ENOX1: variants seen among roughly 807,000 people sequenced by gnomAD.
ENOX1 encodes the protein candidate growth-related and time keeping constitutive hydroquinone (NADH) oxidase.
ENOX1 carries 42 observed loss-of-function variants against 82.5 expected under a neutral mutation model. That is an observed-to-expected ratio of 0.51 (90% CI 0.40 to 0.66). The LOEUF is 0.66. ENOX1 is among the 30% of genes least tolerant of loss of function. The pLI, the probability that ENOX1 is intolerant of heterozygous loss-of-function variation, is 0.00. For synonymous variants in ENOX1, 271 were observed against 282.2 expected, an observed-to-expected ratio of 0.96 and a Z score of 0.40; for missense variants, 608 against 811.6, an observed-to-expected ratio of 0.75 and a Z score of 3.05.
chr13:43,228,095 C>CT (rs551861545), intron 15 of ENOX1, among the ~76,000 whole-genome samples: 23,698 of 84,614 alleles, frequency 0.28, 4,561 homozygotes, highest in East Asian at 0.54. Flanking sequence ...CTCTTTGCAG[C>CT]TTTTTTTTTT....
intron 1 of ENOX1, among the ~76,000 whole-genome samples, chr13:43,760,501 C>T (rs528576134): frequency 1.4e-4 from 21 of 152,176 alleles, no homozygotes; most frequent in Middle Eastern, 6.8e-3. Context: ...TGGAACCCAA[C>T]GTGTGCATGT....
chr13:43,624,964 A>C (rs181471549), intron 2 of ENOX1, among the ~76,000 whole-genome samples: 1 of 152,076 alleles, frequency 6.6e-6, no homozygotes, highest in Admixed American at 6.6e-5. Context: ...CAATATCTAC[A>C]TATCAGCTTG....
intron 5 of ENOX1, among the ~76,000 whole-genome samples, chr13:43,394,048 G>A (rs1482259146): frequency 2.0e-5 from 3 of 152,176 alleles, no homozygotes; most frequent in Middle Eastern, 3.2e-3. Context: ...AGCTTCCTGA[G>A]ACCTCATCAC....
At chr13:43,283,084 A>G (rs559434493) in intron 12 of ENOX1, among the ~76,000 whole-genome samples, 23 of 101,772 alleles carry the variant, frequency 2.3e-4, no homozygotes, top group African/African-American at 6.4e-4. Flanking sequence ...CTCGGTCTCA[A>G]GAAAAGAAAA....
chr13:43,477,647 T>C (rs77625288), intron 3 of ENOX1, among the ~76,000 whole-genome samples: 3 of 152,284 alleles, frequency 2.0e-5, no homozygotes, highest in Non-Finnish European at 4.4e-5. Context: ...AATGTAGTTA[T>C]ATTGAGTCCT....
At chr13:43,745,489 A>G (rs17600078) in intron 1 of ENOX1, among the ~76,000 whole-genome samples, 5,092 of 152,316 alleles carry the variant, frequency 0.033, 218 homozygotes, top group East Asian at 0.22. Flanking sequence ...ACTTCCTTTA[A>G]TCATATTGTA....
At chr13:43,501,869 T>G (rs2076994493) in intron 2 of ENOX1, among the ~76,000 whole-genome samples, 1 of 148,190 alleles carries the variant, frequency 6.7e-6, no homozygotes, top group South Asian at 2.1e-4. Context: ...GGCCAAAAGC[T>G]AACAGAAGAA....
At position 43,599,804 on chromosome 13, in the gene ENOX1, G is replaced by A. The variant is rs560061013; in HGVS notation, c.-219+67675C>T. ...TGAGATGAGAATAAGGAAGAGTAAAGACTTTGCAAGTCCAAGTTCAGGACT... is the reference window on the plus strand; with the variant it reads ...TGAGATGAGAATAAGGAAGAGTAAAAACTTTGCAAGTCCAAGTTCAGGACT... On this transcript the variant is annotated intron_variant, in intron 2 of 16. Transcript: ENST00000690772. Among the ~76,000 whole-genome samples, 619 of 151,092 alleles carry A rather than the reference G, an allele frequency of 4.1e-3. 5 individuals are homozygous for A. Among genetic ancestry groups the A allele is most frequent in the African/African-American group, 0.014 (593 of 41,162 alleles).
intron 1 of ENOX1, among the ~76,000 whole-genome samples, chr13:43,669,183 T>C (rs904944918): frequency 6.6e-6 from 1 of 152,172 alleles, no homozygotes; most frequent in Non-Finnish European, 1.5e-5. Context: ...ACGGGGACCA[T>C]AAAGAGAATC....
chr13:43,289,325 A>G (rs1056446126), intron 12 of ENOX1, among the ~76,000 whole-genome samples: 1 of 152,194 alleles, frequency 6.6e-6, no homozygotes, highest in Non-Finnish European at 1.5e-5. Context: ...ACTATATACT[A>G]AAAAACCACA....
chr13:43,662,538 T>A (rs2084786299), intron 2 of ENOX1, among the ~76,000 whole-genome samples: 1 of 152,186 alleles, frequency 6.6e-6, no homozygotes, highest in African/African-American at 2.4e-5. Context: ...CTGTACATAT[T>A]TCTGACTTTT....
At chr13:43,585,228 A>G (rs902423226) in intron 2 of ENOX1, among the ~76,000 whole-genome samples, 2 of 152,224 alleles carry the variant, frequency 1.3e-5, no homozygotes, top group African/African-American at 4.8e-5. Flanking sequence ...GGGGCCATGA[A>G]GCAAAGAATG....
intron 12 of ENOX1, among the ~76,000 whole-genome samples, chr13:43,270,199 A>G (rs1458442120): frequency 7.2e-5 from 11 of 152,150 alleles, no homozygotes; most frequent in Admixed American, 2.0e-4. Context: ...CCCTTGCCCT[A>G]TCAACTGTAA....
chr13:43,731,987 A>G (rs1309460278), intron 1 of ENOX1, among the ~76,000 whole-genome samples: 2 of 152,224 alleles, frequency 1.3e-5, no homozygotes, highest in East Asian at 3.8e-4. Context: ...ATTTTATCCC[A>G]AGCAGTGAAG....
intron 14 of ENOX1, among the ~76,000 whole-genome samples, chr13:43,250,987 T>A (rs898776429): frequency 6.6e-6 from 1 of 152,180 alleles, no homozygotes; most frequent in East Asian, 1.9e-4. Flanking sequence ...GGGAGCTTAC[T>A]AGAAATGCAA....
At chr13:43,510,122 G>T (rs1320878368) in intron 2 of ENOX1, among the ~76,000 whole-genome samples, 1 of 151,982 alleles carries the variant, frequency 6.6e-6, no homozygotes, top group Non-Finnish European at 1.5e-5. Flanking sequence ...ACAACAAAAA[G>T]AATAATCTAT....
At chr13:43,538,833 C>G (rs961867715) in intron 2 of ENOX1, among the ~76,000 whole-genome samples, 8 of 151,564 alleles carry the variant, frequency 5.3e-5, no homozygotes, top group African/African-American at 1.9e-4. Context: ...CTCCCCGCCC[C>G]TGCCCTTTTG....
chr13:43,687,988 A>G (rs1689271297), intron 1 of ENOX1, among the ~76,000 whole-genome samples: 1 of 151,994 alleles, frequency 6.6e-6, no homozygotes, highest in Non-Finnish European at 1.5e-5. Context: ...AACACAATAT[A>G]AACAAAATAC....
chr13:43,659,878 C>G (rs1182979562), intron 2 of ENOX1, among the ~76,000 whole-genome samples: 1 of 152,140 alleles, frequency 6.6e-6, no homozygotes, highest in Non-Finnish European at 1.5e-5. Flanking sequence ...TTTGGTAAAT[C>G]AGTGTAATCC....
Sources: gnomAD v4.1 joint callset for allele counts (sites outside exome capture counted in the v4.1 genomes callset) on GRCh38, gnomAD v4.1.1 for gene constraint, MANE v1.5 for transcripts, NCBI Gene and HGNC (gene_info 2026-07-23, HGNC 2026-07-21) for gene names.